Variants in TET1 observed in about 807,000 individuals in gnomAD.
TET1 encodes methylcytosine dioxygenase TET1.
Under a neutral mutation model 148.7 loss-of-function variants are expected in TET1, and 13 were observed. The observed-to-expected ratio is 0.09, with a 90% CI of 0.06 to 0.14. The LOEUF is 0.14. Among genes scored for constraint, TET1 ranks in the 10% least tolerant of loss-of-function variants. The probability of loss-of-function intolerance (pLI) is 1.00; values close to 1 mark genes in which losing one functional copy is unlikely to be tolerated. For missense variants in TET1, 2,182 were observed against 2,553.8 expected, an observed-to-expected ratio of 0.85 and a Z score of 3.14; for synonymous variants, 907 against 937.2, an observed-to-expected ratio of 0.97 and a Z score of 0.59.
chr10:68,608,680 G>T (rs367673346), intron 3 of TET1, among the ~76,000 whole-genome samples: 19 of 151,996 alleles, frequency 1.3e-4, no homozygotes, highest in African/African-American at 4.6e-4. Context: ...GACTAAAAGT[G>T]TGTGCCACCA....
At chr10:68,575,266 C>T (rs918860899) in intron 2 of TET1, among the ~76,000 whole-genome samples, 2 of 152,040 alleles carry the variant, frequency 1.3e-5, no homozygotes, top group Non-Finnish European at 2.9e-5. Context: ...TGCCTGTAAT[C>T]CCAGCTACTC....
intron 11 of TET1, among the ~76,000 whole-genome samples, chr10:68,687,734 T>G (rs945525563): frequency 6.6e-6 from 1 of 152,016 alleles, no homozygotes; most frequent in Non-Finnish European, 1.5e-5. Context: ...GACTGTAGTG[T>G]GTGTGCCACT....
intron 2 of TET1, among the ~76,000 whole-genome samples, chr10:68,588,300 A>G (rs879342289): frequency 2.0e-5 from 3 of 152,202 alleles, no homozygotes; most frequent in Non-Finnish European, 2.9e-5. Flanking sequence ...GTATTTATTA[A>G]GTGAGCAGTA....
Position 68,574,051 on chromosome 10 carries a change from C to G in TET1, c.1713C>G (p.Thr571=). 1 of 1,614,152 alleles carries G rather than the reference C, an allele frequency of 6.2e-7. No homozygotes were observed. The highest frequency in any genetic ancestry group is 8.5e-7 in the Non-Finnish European group (1 of 1,180,036). The part of the protein sequence containing the change: ...VVTMPVPMVS[T]SSSSYTTLLP... ...CTATGCCAGTGCCAATGGTCAGTACCTCCTCTTCTTCCTATACCACTTTGC... is the reference window on the plus strand; with the variant it reads ...CTATGCCAGTGCCAATGGTCAGTACGTCCTCTTCTTCCTATACCACTTTGC... Residue 571 remains threonine (T), a synonymous_variant, in exon 2 of 12, where the codon ACC becomes ACG. Coordinates refer to ENST00000373644, the MANE Select transcript of TET1 (RefSeq NM_030625.3).
intron 3 of TET1, chr10:68,632,853 G>C (rs2066343): frequency 3.9e-6 from 2 of 519,352 alleles, no homozygotes; most frequent in East Asian, 7.6e-5. Context: ...AAAAAAAAAA[G>C]AAAGAAAACA....
intron 8 of TET1, chr10:68,674,471 C>A: frequency 2.5e-6 from 1 of 397,052 alleles, no homozygotes; most frequent in East Asian, 5.6e-5. Context: ...TCACCAGAAC[C>A]CAAGGAACCA....
intron 7 of TET1, 97 bp downstream of exon 7, chr10:68,667,353 G>C: frequency 4.0e-6 from 4 of 1,010,556 alleles, no homozygotes; most frequent in Non-Finnish European, 5.8e-6. Flanking sequence ...TTATATGGGA[G>C]AATAGGATTT....
intron 4 of TET1, among the ~76,000 whole-genome samples, chr10:68,650,657 G>T (rs1230945514): frequency 6.6e-6 from 1 of 151,788 alleles, no homozygotes; most frequent in African/African-American, 2.4e-5. Flanking sequence ...AAAAATAAAG[G>T]TGAAAAAGGA....
rs115826794 is a variant in TET1 at position 68,604,091 on chromosome 10, A to G, written c.1968+3057A>G. Among the ~76,000 whole-genome samples the G allele has an allele frequency of 3.7e-3, 570 of 152,336 alleles. 4 individuals are homozygous for G. The highest frequency in any genetic ancestry group is 0.013 in the African/African-American group (539 of 41,588). Reference sequence around the variant, plus strand: ...CATTTCCTTGACTCTTGATCTAGGTAGAGGTGTGGTCTAATTCCAGTCCTT... The same window carrying G: ...CATTTCCTTGACTCTTGATCTAGGTGGAGGTGTGGTCTAATTCCAGTCCTT... On this transcript the variant is annotated intron_variant, in intron 3 of 11. Coordinates refer to ENST00000373644, the MANE Select transcript of TET1 (RefSeq NM_030625.3).
intron 6 of TET1, among the ~76,000 whole-genome samples, 171 bp from the exon 7 acceptor site, chr10:68,666,874 A>G (rs1188629337): frequency 6.6e-6 from 1 of 152,204 alleles, no homozygotes; most frequent in Non-Finnish European, 1.5e-5. Context: ...GCTTGAAGCT[A>G]GGAGTTTGAG....
chr10:68,576,983 A>G (rs2053738935), intron 2 of TET1, among the ~76,000 whole-genome samples: 4 of 151,652 alleles, frequency 2.6e-5, no homozygotes, highest in Non-Finnish European at 5.9e-5. Flanking sequence ...ATCTCGGCTC[A>G]CTGCAAGCTC....
chr10:68,575,626 C>A (rs905091033), intron 2 of TET1, among the ~76,000 whole-genome samples: 1 of 151,810 alleles, frequency 6.6e-6, no homozygotes, highest in South Asian at 2.1e-4. Flanking sequence ...CGCTTGAACC[C>A]GGGAGGCGGA....
intron 2 of TET1, among the ~76,000 whole-genome samples, chr10:68,580,108 A>T (rs1179531993): frequency 6.6e-6 from 1 of 150,968 alleles, no homozygotes; most frequent in African/African-American, 2.4e-5. Context: ...TTGTATTTTT[A>T]ATAGAGATGG....
At chr10:68,561,516 A>G (rs1010927965) in intron 1 of TET1, among the ~76,000 whole-genome samples, 3 of 152,168 alleles carry the variant, frequency 2.0e-5, no homozygotes, top group Non-Finnish European at 2.9e-5. Context: ...CGATCCCATC[A>G]GTCCCCGTCT....
rs990204886 is a variant in TET1 at position 68,666,794 on chromosome 10, TA to T, written c.4462-247del. Among the ~76,000 whole-genome samples the T allele has an allele frequency of 8.5e-5, 13 of 152,192 alleles. No individual in the cohort carries two copies. The South Asian group carries it at 1.9e-3, about 22-fold the overall frequency. ...TGAGAAGTAGTAACTTTAAAAAAAC[TA>T]AAATATGGCCGGGCATGGAGGCACA... On this transcript the variant is annotated intron_variant, in intron 6 of 11. Transcript: ENST00000373644.
At chr10:68,652,444 C>CA in intron 5 of TET1, 57 bp from the exon 6 acceptor site, 2 of 1,315,540 alleles carry the variant, frequency 1.5e-6, no homozygotes, top group Admixed American at 4.2e-5. Context: ...AAGCCAAAGC[C>CA]TTCAAGTACA....
At chr10:68,578,222 G>A (rs1193496805) in intron 2 of TET1, among the ~76,000 whole-genome samples, 1 of 152,066 alleles carries the variant, frequency 6.6e-6, no homozygotes, top group East Asian at 1.9e-4. Context: ...GCAACATAGC[G>A]ACATAAACCT....
At chr10:68,673,069 TA>T in intron 8 of TET1, 24 bp downstream of exon 8, 1 of 1,581,346 alleles carries the variant, frequency 6.3e-7, no homozygotes, top group Non-Finnish European at 8.6e-7. Context: ...TTTATTCAAA[TA>T]ATTTATTTTT....
chr10:68,643,463 C>T (rs1263671807), intron 3 of TET1, among the ~76,000 whole-genome samples: 1 of 152,010 alleles, frequency 6.6e-6, no homozygotes, highest in Non-Finnish European at 1.5e-5. Context: ...ACTTAACAAG[C>T]TATATACTTA....
Sources: gnomAD v4.1 joint callset for allele counts (sites outside exome capture counted in the v4.1 genomes callset) on GRCh38, gnomAD v4.1.1 for gene constraint, MANE v1.5 for transcripts, NCBI Gene and HGNC (gene_info 2026-07-23, HGNC 2026-07-21) for gene names.